Variants in CFTR observed in about 807,000 individuals in gnomAD.
CFTR encodes cystic fibrosis transmembrane conductance regulator.
In CFTR, 181 loss-of-function variants were observed where a neutral mutation model predicts 171.6. The observed-to-expected ratio is 1.05, with a 90% CI of 0.93 to 1.19. CFTR has a LOEUF of 1.19. CFTR is among the 50% of genes most tolerant of loss of function. The pLI is 0.00. For missense variants in CFTR, 1,968 were observed against 1,734.7 expected (o/e 1.13, Z -2.39); for synonymous variants, 583 against 608.0 (o/e 0.96, Z 0.60).
intron 24 of CFTR, among the ~76,000 whole-genome samples, chr7:117,654,455 TC>T (rs1048015029): frequency 2.0e-5 from 3 of 152,004 alleles, no homozygotes; most frequent in Non-Finnish European, 4.4e-5. Context: ...TTTGGGTGTG[TC>T]CCCACCCAAA....
rs397508816 is a variant in CFTR, at chr7:117,540,142, C to T, written c.912C>T (p.Tyr304=). 22 of 1,613,220 alleles carry T rather than the reference C, an allele frequency of 1.4e-5. No individual in the cohort carries two copies. Among genetic ancestry groups the T allele is most frequent in the Non-Finnish European group, 1.7e-5 (20 of 1,179,344 alleles). The change falls in exon 8 of 27, where the codon TAC becomes TAT. Residue 304 remains tyrosine, a synonymous_variant. Coordinates refer to ENST00000003084, the MANE Select transcript of CFTR (RefSeq NM_000492.4). ...CTCGGAAGGCAGCCTATGTGAGATA[C>T]TTCAATAGCTCAGCCTTCTTCTTCT... ...KLTRKAAYVR[Y]FNSSAFFFSG... is the part of the protein sequence containing the mutation.
At position 117,534,346 on chromosome 7, in the gene CFTR, A is replaced by T; in HGVS notation, c.560A>T (p.Asn187Ile). 1 of 1,583,030 alleles carries T rather than the reference A, an allele frequency of 6.3e-7. No individual in the cohort carries two copies. Among genetic ancestry groups the T allele is most frequent in the Non-Finnish European group, 8.7e-7 (1 of 1,152,242 alleles). The change falls in exon 5 of 27, where the codon AAC (asparagine) becomes ATC (isoleucine). Residue 187 changes from asparagine (N) to isoleucine (I), a missense_variant. By Grantham distance (149) the Asn-to-Ile change is moderately radical (BLOSUM62 -3). Transcript: ENST00000003084. ...IGQLVSLLSN[N>I]LNKFDEGLAL... Reference sequence around the variant, plus strand: ...CAACTTGTTAGTCTCCTTTCCAACAACCTGAACAAATTTGATGAAGTATGT... The same window carrying T: ...CAACTTGTTAGTCTCCTTTCCAACATCCTGAACAAATTTGATGAAGTATGT...
At chr7:117,545,004 T>C (rs1161515895) in intron 9 of CFTR, among the ~76,000 whole-genome samples, 5 of 152,218 alleles carry the variant, frequency 3.3e-5, no homozygotes, top group African/African-American at 1.2e-4. Context: ...GCCTCTGTGT[T>C]AGTCTGTTTT....
chr7:117,500,112 G>T (rs905027081), intron 1 of CFTR, among the ~76,000 whole-genome samples: 1 of 151,976 alleles, frequency 6.6e-6, no homozygotes, highest in Non-Finnish European at 1.5e-5. Context: ...AACATTCTAG[G>T]TTTAATATAC....
At chr7:117,623,371 T>C (rs1792609401) in intron 21 of CFTR, among the ~76,000 whole-genome samples, 1 of 152,226 alleles carries the variant, frequency 6.6e-6, no homozygotes, top group Admixed American at 6.5e-5. Context: ...CTGTTTTCTG[T>C]GCACAGGAAG....
chr7:117,657,826 A>AT (rs1584845374), intron 24 of CFTR, among the ~76,000 whole-genome samples: 4 of 152,204 alleles, frequency 2.6e-5, no homozygotes, highest in Admixed American at 6.5e-5. Context: ...GGAAATTAAA[A>AT]ATATATACAG....
intron 3 of CFTR, among the ~76,000 whole-genome samples, chr7:117,518,255 A>G (rs946826048): frequency 2.7e-5 from 4 of 148,776 alleles, no homozygotes; most frequent in Non-Finnish European, 5.9e-5. Flanking sequence ...ACCTATATAT[A>G]TATGTCACAT....
At chr7:117,642,693 T>C in intron 23 of CFTR, 100 bp downstream of exon 23, 1 of 1,269,008 alleles carries the variant, frequency 7.9e-7, no homozygotes, top group Non-Finnish European at 1.1e-6. Flanking sequence ...CTGCAAAATA[T>C]ATTTGTTATG....
At chr7:117,627,899 C>T in intron 22 of CFTR, 129 bp downstream of exon 22, 2 of 968,730 alleles carry the variant, frequency 2.1e-6, no homozygotes, top group Non-Finnish European at 3.2e-6. Flanking sequence ...ATTAAACACA[C>T]ATGTTTTATT....
At chr7:117,561,906 T>C (rs1791503923) in intron 11 of CFTR, among the ~76,000 whole-genome samples, 1 of 152,168 alleles carries the variant, frequency 6.6e-6, no homozygotes, top group African/African-American at 2.4e-5. Flanking sequence ...TGATTCACCA[T>C]GCAATTCTAA....
chr7:117,642,434 A>G lies in CFTR; in HGVS notation c.3718-4A>G. The G allele has an allele frequency of 6.2e-7, 1 of 1,613,164 alleles. No individual in the cohort carries two copies. Among genetic ancestry groups the G allele is most frequent in the Non-Finnish European group, 8.5e-7 (1 of 1,179,246 alleles). On this transcript the variant is annotated splice_region_variant and splice_polypyrimidine_tract_variant and intron_variant, in intron 22 of 26. Transcript: ENST00000003084. ...GAAGTGATCCCATCACTTTTACCTT[A>G]TAGGTGGGCCTCTTGGGAAGAACTG... is the stretch of plus-strand genomic sequence containing the variant.
At chr7:117,523,883 A>T (rs1490751223) in intron 3 of CFTR, among the ~76,000 whole-genome samples, 1 of 152,250 alleles carries the variant, frequency 6.6e-6, no homozygotes, top group Non-Finnish European at 1.5e-5. Flanking sequence ...ATCTTATACA[A>T]GTCTTTACAC....
chr7:117,569,350 T>C (rs905956976), intron 11 of CFTR, among the ~76,000 whole-genome samples: 2 of 152,154 alleles, frequency 1.3e-5, no homozygotes, highest in African/African-American at 2.4e-5. Context: ...TGCTCAATAA[T>C]GGTATCCGCT....
rs397508602 is a variant in CFTR, at chr7:117,642,465, G to A, written c.3745G>A (p.Gly1249Arg). 2 of 1,613,634 alleles carry A rather than the reference G, an allele frequency of 1.2e-6. No homozygotes were observed. The highest frequency in any genetic ancestry group is 1.1e-5 in the South Asian group (1 of 91,074). ...GGGCCTCTTGGGAAGAACTGGATCA[G>A]GGAAGAGTACTTTGTTATCAGCTTT... ...RVGLLGRTGS[G>R]KSTLLSAFLR... Residue 1249 changes from glycine to arginine, a missense_variant, in exon 23 of 27, where the codon GGG becomes AGG. By Grantham distance (125) the Gly-to-Arg change is moderately radical. Coordinates refer to ENST00000003084, the MANE Select transcript of CFTR (RefSeq NM_000492.4).
chr7:117,635,016 C>T (rs1792803862), intron 22 of CFTR, among the ~76,000 whole-genome samples: 1 of 152,060 alleles, frequency 6.6e-6, no homozygotes, highest in South Asian at 2.1e-4. Context: ...TGATTTTCCA[C>T]CTGCTAGATC....
chr7:117,565,318 G>A (rs185844570), intron 11 of CFTR, among the ~76,000 whole-genome samples: 1 of 152,306 alleles, frequency 6.6e-6, no homozygotes, highest in Admixed American at 6.5e-5. Flanking sequence ...GGGGGACAGA[G>A]TACACTGTTC....
chr7:117,512,210 T>C (rs1219176243), intron 3 of CFTR, among the ~76,000 whole-genome samples: 1 of 152,222 alleles, frequency 6.6e-6, no homozygotes, highest in Non-Finnish European at 1.5e-5. Context: ...GGAGCTAATC[T>C]TTCTGAAGTA....
intron 1 of CFTR, among the ~76,000 whole-genome samples, chr7:117,481,952 TTGGAG>T: frequency 6.6e-6 from 1 of 152,224 alleles, no homozygotes; most frequent in Non-Finnish European, 1.5e-5. Flanking sequence ...CCTTTAAAAT[TTGGAG>T]ACTGTCATAG....
chr7:117,531,873 T>C (rs1798872082), intron 4 of CFTR, among the ~76,000 whole-genome samples: 1 of 152,212 alleles, frequency 6.6e-6, no homozygotes, highest in African/African-American at 2.4e-5. Flanking sequence ...ATTTGGATAT[T>C]GCTTTACCCT....
Sources: gnomAD v4.1 joint callset for allele counts (sites outside exome capture counted in the v4.1 genomes callset) on GRCh38, gnomAD v4.1.1 for gene constraint, MANE v1.5 for transcripts, NCBI Gene and HGNC (gene_info 2026-07-23, HGNC 2026-07-21) for gene names.